SHANK2: variants seen among roughly 807,000 people sequenced by gnomAD.
The protein encoded by SHANK2 is SH3 and multiple ankyrin repeat domains 2, also known as SH3 and multiple ankyrin repeat domains protein 2.
Under a neutral mutation model 133.7 loss-of-function variants are expected in SHANK2, and 43 were observed. The ratio of observed to expected loss-of-function variants is 0.32; its 90% CI spans 0.25 to 0.41. The LOEUF (loss-of-function observed/expected upper bound fraction) is 0.41. Ranked by LOEUF, SHANK2 falls within the 10% of genes least tolerant of loss-of-function variation. SHANK2 has a pLI of 1.00. For missense variants in SHANK2, 1,994 were observed against 2,235.8 expected, an observed-to-expected ratio of 0.89 and a Z score of 2.18; for synonymous variants, 1,017 against 952.8, an observed-to-expected ratio of 1.07 and a Z score of -1.24.
intron 6 of SHANK2, among the ~76,000 whole-genome samples, chr11:71,099,287 G>T (rs1203260477): frequency 6.6e-6 from 1 of 152,112 alleles, no homozygotes; most frequent in Admixed American, 6.5e-5. Flanking sequence ...AGAAGAAAAA[G>T]GTGTGGACTT....
chr11:70,935,213 G>A (rs1030633429), intron 10 of SHANK2, among the ~76,000 whole-genome samples: 6 of 152,094 alleles, frequency 3.9e-5, no homozygotes, highest in African/African-American at 9.7e-5. Flanking sequence ...TTTGTCCAGC[G>A]TGTCCGTGCT....
chr11:70,496,613 G>A (rs1363722056), intron 21 of SHANK2, among the ~76,000 whole-genome samples: 1 of 152,228 alleles, frequency 6.6e-6, no homozygotes, highest in Non-Finnish European at 1.5e-5. Flanking sequence ...GAAGCTGGCT[G>A]TAGTAAAGGG....
At chr11:70,670,947 A>G (rs1944788663) in intron 15 of SHANK2, among the ~76,000 whole-genome samples, 1 of 152,226 alleles carries the variant, frequency 6.6e-6, no homozygotes, top group African/African-American at 2.4e-5. Context: ...ACCCGTGCCC[A>G]GAGACGTGCG....
intron 10 of SHANK2, among the ~76,000 whole-genome samples, chr11:70,906,721 G>A (rs942365797): frequency 2.6e-5 from 4 of 152,172 alleles, no homozygotes; most frequent in Non-Finnish European, 5.9e-5. Flanking sequence ...AGCCACTGAT[G>A]CCCAAAGACC....
At chr11:70,637,566 A>G (rs1261121403) in intron 17 of SHANK2, among the ~76,000 whole-genome samples, 3 of 152,064 alleles carry the variant, frequency 2.0e-5, no homozygotes, top group African/African-American at 7.2e-5. Context: ...CCACCAACCC[A>G]TCGGGAAGCA....
rs1481742231 is a variant in SHANK2, at chr11:71,175,424, A to T, written c.-12-28086T>A. On this transcript the variant is annotated intron_variant, in intron 2 of 25. Transcript: ENST00000601538. The surrounding 1 kb of genome is among the most constrained non-coding windows in gnomAD (Gnocchi z 4.2). The stretch of plus-strand genomic sequence containing the variant: ...AGGAAAGTGAGTCTGTAAAGAGAGC[A>T]GGAGGAAGGAAAGAAAAAGAGGGAG... 6.6e-6 allele frequency among the ~76,000 whole-genome samples: 1 copy of T among 152,036 alleles called. No individual in the cohort carries two copies. Among genetic ancestry groups the T allele is most frequent in the African/African-American group, 2.4e-5 (1 of 41,406 alleles).
rs560356642 is a variant in SHANK2, at chr11:70,817,627, C to G, written c.1493+2737G>C. 1.2e-4 allele frequency among the ~76,000 whole-genome samples: 18 copies of G among 152,322 alleles called. 2 individuals are homozygous for G. In the South Asian group the frequency reaches 3.7e-3, roughly 32 times the overall value. On this transcript the variant is annotated intron_variant, in intron 12 of 25. Transcript: ENST00000601538. The stretch of plus-strand genomic sequence containing the variant: ...TCTGGGTCTTGGGTTGGACATGGAC[C>G]TGGGCTCTAAGAACCAATGTGGAAT...
At chr11:70,847,290 G>A (rs1340747823) in intron 11 of SHANK2, among the ~76,000 whole-genome samples, 4 of 152,150 alleles carry the variant, frequency 2.6e-5, no homozygotes, top group Non-Finnish European at 5.9e-5. Context: ...TGAGGTCCAC[G>A]CCTCCTACCG....
At chr11:70,699,288 T>C (rs57808324) in intron 14 of SHANK2, among the ~76,000 whole-genome samples, 1,876 of 151,286 alleles carry the variant, frequency 0.012, 32 homozygotes, top group African/African-American at 0.043. Context: ...TTAACATTTC[T>C]AATTAAGTCC....
chr11:70,539,418 C>T (rs1000046354), intron 17 of SHANK2, among the ~76,000 whole-genome samples: 3 of 151,944 alleles, frequency 2.0e-5, no homozygotes, highest in Non-Finnish European at 4.4e-5. Context: ...AGTCGGGGTG[C>T]CCAACAGATC....
chr11:71,145,307 A>G (rs1219188196), intron 3 of SHANK2, among the ~76,000 whole-genome samples: 1 of 149,822 alleles, frequency 6.7e-6, no homozygotes, highest in Non-Finnish European at 1.5e-5. Flanking sequence ...GCTAAAAAGA[A>G]AAAAAAAGTT....
chr11:71,128,994 G>C (rs145451251), intron 3 of SHANK2, among the ~76,000 whole-genome samples: 1 of 152,110 alleles, frequency 6.6e-6, no homozygotes, highest in Non-Finnish European at 1.5e-5. Context: ...CATGTTGACC[G>C]GGATGGTCTT....
At chr11:71,201,872 AAACCTGCCTCCCGG>A (rs1463327750) in intron 2 of SHANK2, among the ~76,000 whole-genome samples, 1 of 152,222 alleles carries the variant, frequency 6.6e-6, no homozygotes, top group Non-Finnish European at 1.5e-5. Context: ...CCCGAGGAAC[AAACCTGCCTCCCGG>A]AACCTGCCCA....
At chr11:70,746,926 G>A (rs1010612691) in intron 14 of SHANK2, among the ~76,000 whole-genome samples, 2 of 149,704 alleles carry the variant, frequency 1.3e-5, no homozygotes, top group African/African-American at 2.5e-5. Flanking sequence ...TCCCTCCACC[G>A]CTGTACTCCC....
In SHANK2 at chr11:70,574,866, C is replaced by T. The variant is rs183080721; in HGVS notation, c.2062-71935G>A. Among the ~76,000 whole-genome samples, 14 of 152,320 alleles carry T rather than the reference C, an allele frequency of 9.2e-5. No individual in the cohort carries two copies. The East Asian group carries it at 1.9e-3, about 21-fold the overall frequency. ...AGCCTTACAAAACTCTGACCCCAAA[C>T]CTCGCTGCCCGGCAAGCTTTCTTTG... On this transcript the variant is annotated intron_variant, in intron 17 of 25. Coordinates refer to ENST00000601538, the MANE Select transcript of SHANK2 (RefSeq NM_012309.5).
intron 11 of SHANK2, among the ~76,000 whole-genome samples, chr11:70,847,291 C>T (rs1555063748): frequency 6.6e-6 from 1 of 152,204 alleles, no homozygotes; most frequent in African/African-American, 2.4e-5. Flanking sequence ...GAGGTCCACG[C>T]CTCCTACCGC....
At chr11:71,097,010 G>A (rs1196346576) in intron 6 of SHANK2, among the ~76,000 whole-genome samples, 8 of 152,190 alleles carry the variant, frequency 5.3e-5, no homozygotes, top group Non-Finnish European at 8.8e-5. Context: ...ACGCACCGGT[G>A]GAGAAAATGA....
intron 22 of SHANK2, among the ~76,000 whole-genome samples, chr11:70,491,170 G>A (rs1388818966): frequency 6.6e-6 from 1 of 152,364 alleles, no homozygotes; most frequent in Non-Finnish European, 1.5e-5. Context: ...AGGCCAACCC[G>A]GGAAAATATC....
chr11:70,795,595 A>G (rs910567951), intron 14 of SHANK2, among the ~76,000 whole-genome samples: 16 of 151,966 alleles, frequency 1.1e-4, no homozygotes, highest in African/African-American at 2.9e-4. Context: ...TAGTACAGAC[A>G]GGGTTTCACC....
Sources: allele counts gnomAD v4.1 joint callset (sites outside exome capture counted in the v4.1 genomes callset), GRCh38; gene constraint gnomAD v4.1.1; non-coding constraint Gnocchi (gnomAD v3.1); transcripts MANE v1.5; gene names NCBI Gene and HGNC (gene_info 2026-07-23, HGNC 2026-07-21).